Variants in LSS observed in about 807,000 individuals in gnomAD.
The protein encoded by LSS is 2,3-epoxysqualene-lanosterol cyclase.
A neutral mutation model predicts 110.3 loss-of-function variants in LSS; 90 were observed. The observed-to-expected ratio is 0.82, with a 90% CI of 0.69 to 0.97. The LOEUF (loss-of-function observed/expected upper bound fraction) is 0.97. LSS is among the 50% of genes least tolerant of loss of function. LSS has a pLI of 0.00. For missense variants in LSS, 927 were observed against 990.0 expected, an observed-to-expected ratio of 0.94 and a Z score of 0.85; for synonymous variants, 433 against 400.0, an observed-to-expected ratio of 1.08 and a Z score of -0.98.
intron 17 of LSS, 123 bp downstream of exon 17, chr21:46,205,712 CT>C: frequency 1.4e-6 from 1 of 690,108 alleles, no homozygotes; most frequent in Non-Finnish European, 2.5e-6. Context: ...TCCGAAGCCT[CT>C]TGCATGTTTC....
rs2280956 is a variant in LSS, at chr21:46,222,409, C to G, written c.428+221G>C. 0.48 allele frequency: 274,621 copies of G among 577,576 alleles called. 67,838 individuals are homozygous for G. Among genetic ancestry groups the G allele is most frequent in the African/African-American group, 0.67 (35,874 of 53,290 alleles). 35.8% of individuals were successfully genotyped at this position (577,576 alleles called of 1,614,324 possible). On this transcript the variant is annotated intron_variant, in intron 4 of 21. Coordinates refer to ENST00000397728, the MANE Select transcript of LSS (RefSeq NM_002340.6). ...TTCACATGTGGGTCTCAAGAGTGTC[C>G]TAACAGCCACAAAATCCATTTAACA...
intron 4 of LSS, 192 bp downstream of exon 4, chr21:46,222,438 G>T: frequency 1.7e-6 from 1 of 581,526 alleles, no homozygotes; most frequent in Non-Finnish European, 3.0e-6. Context: ...TTTAACAAAA[G>T]ATGTGAAGCC....
chr21:46,208,171 C>G (rs913171528), intron 14 of LSS, 80 bp downstream of exon 14: 33 of 1,363,510 alleles, frequency 2.4e-5, no homozygotes, highest in South Asian at 1.2e-4. Flanking sequence ...AGGAGCCCCC[C>G]CTTCAGAGGG....
Position 46,196,304 on chromosome 21 carries a change from A to C in LSS, c.1671-37T>G, listed in dbSNP as rs1021881895. Reference sequence around the variant, plus strand: ...GATTGGTCCAGTGAACATTCTGGTAAAACAGCAGTTTACCTATCCCAATTC... The same window carrying C: ...GATTGGTCCAGTGAACATTCTGGTACAACAGCAGTTTACCTATCCCAATTC... On this transcript the variant is annotated intron_variant, in intron 17 of 21. Coordinates refer to ENST00000397728, the MANE Select transcript of LSS (RefSeq NM_002340.6). 7.7e-6 allele frequency: 12 copies of C among 1,560,582 alleles called. No homozygotes were observed. The African/African-American group carries it at 1.5e-4, about 19-fold the overall frequency.
At chr21:46,199,641 C>T (rs544841582) in intron 17 of LSS, among the ~76,000 whole-genome samples, 23 of 152,254 alleles carry the variant, frequency 1.5e-4, no homozygotes, top group Middle Eastern at 3.4e-3. Context: ...GTGGTACATC[C>T]AGACAATGGA....
chr21:46,206,769 C>G lies in LSS; in HGVS notation c.1468-1G>C. 1 of 1,609,716 alleles carries G rather than the reference C, an allele frequency of 6.2e-7. No homozygotes were observed. The highest frequency in any genetic ancestry group is 1.1e-5 in the South Asian group (1 of 91,054). On this transcript the variant is annotated splice_acceptor_variant, in intron 15 of 21. Transcript: ENST00000397728. LOFTEE classifies it high-confidence loss of function. The stretch of plus-strand genomic sequence containing the variant: ...CATCTGGATTTCTCATGTTCAGCAG[C>G]TGAAATCACAGAGAGCACCCTAGAA...
At chr21:46,200,840 T>C (rs74576542) in intron 17 of LSS, among the ~76,000 whole-genome samples, 7,637 of 152,338 alleles carry the variant, frequency 0.05, 584 homozygotes, top group African/African-American at 0.17. Flanking sequence ...CAATTAGGCC[T>C]GCAGATTAGT....
intron 10 of LSS, 70 bp downstream of exon 10, chr21:46,213,668 C>G: frequency 7.0e-7 from 1 of 1,419,814 alleles, no homozygotes; most frequent in Non-Finnish European, 9.8e-7. Flanking sequence ...GGCCCCCTCA[C>G]TGGGATGCAG....
Position 46,194,626 on chromosome 21 carries a change from A to T in LSS, c.1853T>A (p.Phe618Tyr). 6.2e-7 allele frequency: 1 copy of T among 1,613,620 alleles called. No individual in the cohort carries two copies. The highest frequency in any genetic ancestry group is 8.5e-7 in the Non-Finnish European group (1 of 1,180,012). ...GTCTGCCATCTGCCGGGACAGCAGG[A>T]AGTCACAGGCCCGGGAGACCTCTGC... ...ACAEVSRACD[F>Y]LLSRQMADGG... The change falls in exon 20 of 22, where the codon TTC becomes TAC. Residue 618 changes from phenylalanine to tyrosine, a missense_variant. By Grantham distance (22) the Phe-to-Tyr change is conservative (BLOSUM62 3). Transcript: ENST00000397728.
chr21:46,192,802 G>A (rs149308541), intron 20 of LSS: 91 of 406,252 alleles, frequency 2.2e-4, no homozygotes, highest in African/African-American at 1.3e-3. Flanking sequence ...ATAGACCTGT[G>A]TGTACATCTG....
chr21:46,192,100 CGCCAGGTGCA>C (rs1569014357), intron 20 of LSS, 141 bp from the exon 21 acceptor site: 2 of 697,932 alleles, frequency 2.9e-6, no homozygotes, highest in Non-Finnish European at 5.1e-6. Flanking sequence ...CCACAGGCCC[CGCCAGGTGCA>C]GCCAGCGCCT....
chr21:46,212,954 C>T (rs2080152309), intron 11 of LSS, 71 bp downstream of exon 11: 9 of 1,593,582 alleles, frequency 5.6e-6, no homozygotes, highest in East Asian at 2.2e-5. Context: ...TTTCTGAACC[C>T]CAAAGGAAAA....
chr21:46,222,060 G>T, intron 4 of LSS, 85 bp from the exon 5 acceptor site: 1 of 1,508,296 alleles, frequency 6.6e-7, no homozygotes, highest in South Asian at 1.2e-5. Flanking sequence ...AGTTTCCTCA[G>T]AAAACTAAGA....
chr21:46,218,142 C>A (rs1869770916), intron 6 of LSS, among the ~76,000 whole-genome samples: 1 of 139,790 alleles, frequency 7.2e-6, no homozygotes, highest in South Asian at 2.5e-4. Flanking sequence ...ACAAGGGACC[C>A]CCCCAGCCCT....
intron 12 of LSS, among the ~76,000 whole-genome samples, chr21:46,210,462 G>A (rs1280573181): frequency 2.0e-5 from 3 of 152,084 alleles, no homozygotes; most frequent in African/African-American, 4.8e-5. Flanking sequence ...ACAGCCTCCA[G>A]CCCCTGCCCT....
chr21:46,198,267 TAA>T (rs34529498), intron 17 of LSS, among the ~76,000 whole-genome samples: 5,958 of 143,580 alleles, frequency 0.041, 154 homozygotes, highest in Non-Finnish European at 0.064. Flanking sequence ...CTGCGTCCCT[TAA>T]AAAAAAAAAA....
chr21:46,219,385 T>C (rs1001336610), intron 6 of LSS, 91 bp downstream of exon 6: 3 of 801,728 alleles, frequency 3.7e-6, no homozygotes, highest in African/African-American at 3.6e-5. Context: ...CCCTCTCTGC[T>C]GTCACAGCCT....
chr21:46,206,468 C>G (rs1368200094), intron 16 of LSS, among the ~76,000 whole-genome samples: 1 of 152,218 alleles, frequency 6.6e-6, no homozygotes, highest in Non-Finnish European at 1.5e-5. Flanking sequence ...TGATGCCCTC[C>G]TATCCACAAC....
At chr21:46,194,426 G>A (rs2079877132) in intron 20 of LSS, 65 bp downstream of exon 20, 7 of 1,586,582 alleles carry the variant, frequency 4.4e-6, no homozygotes, top group East Asian at 4.5e-5. Context: ...CAGGCCACCG[G>A]CTCACAGCTG....
Sources: gnomAD v4.1 joint callset for allele counts (sites outside exome capture counted in the v4.1 genomes callset) on GRCh38, gnomAD v4.1.1 for gene constraint, MANE v1.5 for transcripts, NCBI Gene and HGNC (gene_info 2026-07-23, HGNC 2026-07-21) for gene names.